The following PDE4B variants were observed in gnomAD, a reference collection of about 807,000 sequenced individuals.
PDE4B encodes the protein phosphodiesterase 4B.
A neutral mutation model predicts 82.2 loss-of-function variants in PDE4B; 20 were observed. The ratio of observed to expected loss-of-function variants is 0.24; its 90% CI spans 0.17 to 0.35. The LOEUF (loss-of-function observed/expected upper bound fraction) is 0.35, where lower values mean the gene tolerates loss of function less well. PDE4B is among the 10% of genes least tolerant of loss of function. The pLI is 1.00. For missense variants in PDE4B, 655 were observed against 907.2 expected (o/e 0.72, Z 3.57); for synonymous variants, 320 against 318.9 (o/e 1.00, Z -0.04).
intron 3 of PDE4B, among the ~76,000 whole-genome samples, chr1:66,114,212 C>A (rs1034023771): frequency 6.6e-6 from 1 of 152,042 alleles, no homozygotes; most frequent in Non-Finnish European, 1.5e-5. Context: ...ACCAAATTAG[C>A]CAGCACCTTG....
At chr1:66,369,993 C>T (rs1663559171) in intron 16 of PDE4B, among the ~76,000 whole-genome samples, 1 of 151,444 alleles carries the variant, frequency 6.6e-6, no homozygotes, top group Non-Finnish European at 1.5e-5. Context: ...ACCAAAAACA[C>T]ACAAAAAATT....
At chr1:65,876,975 G>A (rs538668414) in intron 1 of PDE4B, among the ~76,000 whole-genome samples, 1 of 152,080 alleles carries the variant, frequency 6.6e-6, no homozygotes, top group South Asian at 2.1e-4. Context: ...TGGCCATACT[G>A]CCCAAAGTAA....
At chr1:66,302,180 C>T (rs1657942055) in intron 7 of PDE4B, among the ~76,000 whole-genome samples, 1 of 152,168 alleles carries the variant, frequency 6.6e-6, no homozygotes, top group African/African-American at 2.4e-5. Context: ...GCCTTGGAGA[C>T]AGGAGGCAAT....
chr1:66,262,402 G>A (rs1429308427), intron 6 of PDE4B, among the ~76,000 whole-genome samples: 1 of 152,200 alleles, frequency 6.6e-6, no homozygotes, highest in Admixed American at 6.5e-5. Flanking sequence ...CTATACAGTG[G>A]GAAGGTGCCA....
rs745755661 is a variant in PDE4B, at chr1:65,913,387, G to T, written c.42+31G>T. ...TTTCAAAAGGTCCCAATCATGTTTG[G>T]TCTGTTCAATAAAGAAGTCACTGGA... On this transcript the variant is annotated intron_variant, in intron 2 of 16. Coordinates refer to ENST00000341517, the MANE Select transcript of PDE4B (RefSeq NM_002600.4). 114 of 1,608,208 alleles carry T rather than the reference G, an allele frequency of 7.1e-5. 1 individual carries two copies. Among genetic ancestry groups the T allele is most frequent in the Non-Finnish European group, 9.4e-5 (110 of 1,174,910 alleles).
intron 3 of PDE4B, among the ~76,000 whole-genome samples, chr1:66,204,548 C>T (rs1417987472): frequency 6.6e-6 from 1 of 152,244 alleles, no homozygotes; most frequent in East Asian, 1.9e-4. Flanking sequence ...TGGGCAATGG[C>T]AGGTGCCCCT....
intron 3 of PDE4B, among the ~76,000 whole-genome samples, chr1:66,200,656 T>C (rs1352936240): frequency 6.6e-6 from 1 of 152,188 alleles, no homozygotes; most frequent in Non-Finnish European, 1.5e-5. Flanking sequence ...TTGTCTGTTA[T>C]TGGTGTATAA....
At position 66,372,309 on chromosome 1, in the gene PDE4B, C is replaced by T; in HGVS notation, c.1846-4C>T. The T allele has an allele frequency of 6.3e-7, 1 of 1,592,912 alleles. No homozygotes were observed. Among genetic ancestry groups the T allele is most frequent in the Middle Eastern group, 1.7e-4 (1 of 5,846 alleles). On this transcript the variant is annotated splice_polypyrimidine_tract_variant and splice_region_variant and intron_variant, in intron 16 of 16. Transcript: ENST00000341517. ...AACAGATGTGTCATCTTATTTTTCT[C>T]CAGGTTGGTTTCATCGACTACATTG...
chr1:65,961,301 T>C (rs1408555132), intron 3 of PDE4B, among the ~76,000 whole-genome samples: 1 of 152,110 alleles, frequency 6.6e-6, no homozygotes, highest in African/African-American at 2.4e-5. Context: ...AACTGAGTTA[T>C]TGGCAGAGAG....
intron 1 of PDE4B, among the ~76,000 whole-genome samples, chr1:65,863,952 T>A (rs998846160): frequency 3.9e-5 from 6 of 152,184 alleles, no homozygotes; most frequent in Admixed American, 3.9e-4. Context: ...TTATCCAATT[T>A]GCCAGTCTGT....
At chr1:66,086,665 C>G (rs540624120) in intron 3 of PDE4B, among the ~76,000 whole-genome samples, 4 of 152,090 alleles carry the variant, frequency 2.6e-5, no homozygotes, top group Non-Finnish European at 5.9e-5. Flanking sequence ...TTCTGCGAAC[C>G]TTAACCCAAT....
In PDE4B at chr1:66,124,741, G is replaced by GA. The variant is rs72163297; in HGVS notation, c.282-122710dup. 6.6e-5 allele frequency among the ~76,000 whole-genome samples: 10 copies of GA among 151,440 alleles called. No individual in the cohort carries two copies. In the South Asian group the frequency reaches 8.4e-4, roughly 13 times the overall value. ...TGTTTCCTCATAACATCAATGAGGGGAAAAAAAAAGTTAATTCCTGGCTCA... is the reference window on the plus strand; with the variant it reads ...TGTTTCCTCATAACATCAATGAGGGGAAAAAAAAAAGTTAATTCCTGGCTCA... On this transcript the variant is annotated intron_variant, in intron 3 of 16. Transcript: ENST00000341517.
intron 1 of PDE4B, among the ~76,000 whole-genome samples, chr1:65,854,573 C>T (rs1034703453): frequency 2.6e-5 from 4 of 151,936 alleles, no homozygotes; most frequent in Non-Finnish European, 5.9e-5. Context: ...ATGACTGCTG[C>T]ACACATATTG....
intron 3 of PDE4B, among the ~76,000 whole-genome samples, chr1:65,989,135 G>T (rs1228135511): frequency 2.0e-5 from 3 of 152,026 alleles, no homozygotes; most frequent in Non-Finnish European, 2.9e-5. Context: ...ATCCTTTAAT[G>T]ATATTTTATT....
intron 3 of PDE4B, among the ~76,000 whole-genome samples, chr1:66,053,814 G>A (rs138866859): frequency 0.012 from 1,784 of 152,194 alleles, 38 homozygotes; most frequent in African/African-American, 0.041. Context: ...AGCTGAGATC[G>A]TGCCACTGCA....
chr1:66,271,120 T>C (rs1655443629), intron 7 of PDE4B, among the ~76,000 whole-genome samples: 1 of 152,274 alleles, frequency 6.6e-6, no homozygotes, highest in South Asian at 2.1e-4. Flanking sequence ...AATTAAGTAT[T>C]GGTACTCGCA....
At chr1:66,351,519 C>T (rs1661816726) in intron 8 of PDE4B, among the ~76,000 whole-genome samples, 1 of 152,170 alleles carries the variant, frequency 6.6e-6, no homozygotes, top group Non-Finnish European at 1.5e-5. Context: ...TGCTTCCCTT[C>T]CTTTGTTATG....
At chr1:65,998,521 C>T (rs1293835603) in intron 3 of PDE4B, among the ~76,000 whole-genome samples, 2 of 151,686 alleles carry the variant, frequency 1.3e-5, no homozygotes, top group Admixed American at 1.3e-4. Context: ...GGACAAGGAG[C>T]TTAAAGGTAA....
chr1:66,120,252 T>C (rs781213840), intron 3 of PDE4B, among the ~76,000 whole-genome samples: 2 of 152,184 alleles, frequency 1.3e-5, no homozygotes, highest in Admixed American at 6.5e-5. Context: ...ATAAGCTGGT[T>C]CTGCAGCTGT....
Sources: allele counts gnomAD v4.1 joint callset (sites outside exome capture counted in the v4.1 genomes callset), GRCh38; gene constraint gnomAD v4.1.1; transcripts MANE v1.5; gene names NCBI Gene and HGNC (gene_info 2026-07-23, HGNC 2026-07-21).